ANKS1B: variants seen among roughly 807,000 people sequenced by gnomAD.
ANKS1B encodes the protein ankyrin repeat and sterile alpha motif domain containing 1B.
A neutral mutation model predicts 148.3 loss-of-function variants in ANKS1B; 36 were observed. The observed-to-expected ratio is 0.24, with a 90% CI of 0.19 to 0.32. ANKS1B has a LOEUF of 0.32. Among genes scored for constraint, ANKS1B ranks in the 10% least tolerant of loss-of-function variants. ANKS1B has a pLI of 1.00. For synonymous variants in ANKS1B, 542 were observed against 560.8 expected, an observed-to-expected ratio of 0.97 and a Z score of 0.47; for missense variants, 1,157 against 1,542.6, an observed-to-expected ratio of 0.75 and a Z score of 4.19.
Position 98,773,022 on chromosome 12 carries a change from G to C in ANKS1B, c.3579+20C>G, listed in dbSNP as rs1369070494. The C allele has an allele frequency of 2.5e-6, 4 of 1,613,666 alleles. No homozygotes were observed. In the South Asian group the frequency reaches 3.3e-5, roughly 13 times the overall value. On this transcript the variant is annotated intron_variant, in intron 25 of 26. Transcript: ENST00000683438. ...CATTCTGCAAAGTCTTTAATCTGTT[G>C]AAAGGGGGTGGGTACTCACCACATC... is the stretch of plus-strand genomic sequence containing the variant.
At chr12:99,790,728 C>T (rs2065539353) in intron 4 of ANKS1B, among the ~76,000 whole-genome samples, 1 of 151,866 alleles carries the variant, frequency 6.6e-6, no homozygotes, top group South Asian at 2.1e-4. Flanking sequence ...TATTTGCAAG[C>T]CTCATGGTAG....
At chr12:98,980,622 G>A (rs1417590021) in intron 17 of ANKS1B, among the ~76,000 whole-genome samples, 1 of 152,062 alleles carries the variant, frequency 6.6e-6, no homozygotes, top group Non-Finnish European at 1.5e-5. Flanking sequence ...CTTGTATCTT[G>A]TCTAGTAATT....
chr12:98,886,192 A>G lies in ANKS1B; in HGVS notation c.2779-54056T>C, dbSNP rs555644197. Reference sequence around the variant, plus strand: ...GAATAACGAGTTCAATGAAAATTGAAGTTTAAAGACAGAATAATGAAGAAA... The same window carrying G: ...GAATAACGAGTTCAATGAAAATTGAGGTTTAAAGACAGAATAATGAAGAAA... On this transcript the variant is annotated intron_variant, in intron 17 of 26. Coordinates refer to ENST00000683438, the MANE Select transcript of ANKS1B (RefSeq NM_001352186.2). Among the ~76,000 whole-genome samples, 11 of 152,368 alleles carry G rather than the reference A, an allele frequency of 7.2e-5. No individual in the cohort carries two copies. In the East Asian group the frequency reaches 1.9e-3, roughly 27 times the overall value.
intron 15 of ANKS1B, among the ~76,000 whole-genome samples, chr12:99,140,696 A>G (rs150461891): frequency 4.4e-4 from 67 of 152,294 alleles, no homozygotes; most frequent in Admixed American, 3.0e-3. Context: ...GTAAAGAACC[A>G]TGGAAGCAAT....
At chr12:99,661,363 T>G (rs1279173994) in intron 8 of ANKS1B, among the ~76,000 whole-genome samples, 2 of 152,178 alleles carry the variant, frequency 1.3e-5, no homozygotes, top group African/African-American at 4.8e-5. Flanking sequence ...ACATACAGCT[T>G]AGAAGGTATA....
intron 8 of ANKS1B, among the ~76,000 whole-genome samples, chr12:99,686,477 G>T (rs1310726287): frequency 1.3e-5 from 2 of 152,136 alleles, no homozygotes; most frequent in Non-Finnish European, 2.9e-5. Flanking sequence ...AGAGCTCTCT[G>T]AACCTCTTCT....
chr12:99,665,600 C>T (rs1818961322), intron 8 of ANKS1B, among the ~76,000 whole-genome samples: 1 of 152,104 alleles, frequency 6.6e-6, no homozygotes, highest in Admixed American at 6.5e-5. Flanking sequence ...CATTCTCCTG[C>T]CTCAGCCTCC....
chr12:99,115,791 C>A (rs7970642), intron 15 of ANKS1B, among the ~76,000 whole-genome samples: 84,562 of 151,566 alleles, frequency 0.56, 24,551 homozygotes, highest in East Asian at 0.74. Context: ...AATTAGCCAG[C>A]TGTGGTGGCG....
At chr12:99,946,444 AAG>A (rs1323545449) in intron 1 of ANKS1B, among the ~76,000 whole-genome samples, 2 of 152,136 alleles carry the variant, frequency 1.3e-5, no homozygotes, top group Non-Finnish European at 2.9e-5. Flanking sequence ...TCACATGACA[AAG>A]AGAGAAAGAG....
At chr12:98,784,376 A>C (rs975426804) in intron 22 of ANKS1B, among the ~76,000 whole-genome samples, 2 of 152,188 alleles carry the variant, frequency 1.3e-5, no homozygotes, top group African/African-American at 4.8e-5. Flanking sequence ...TGCCTACAAC[A>C]CAGTATCACA....
At chr12:99,545,951 T>C (rs545735915) in intron 9 of ANKS1B, among the ~76,000 whole-genome samples, 1 of 152,176 alleles carries the variant, frequency 6.6e-6, no homozygotes, top group East Asian at 1.9e-4. Context: ...AAAGATGGAA[T>C]ATTCTCCTCC....
chr12:99,187,040 T>C (rs1228966855), intron 14 of ANKS1B, among the ~76,000 whole-genome samples: 1 of 151,692 alleles, frequency 6.6e-6, no homozygotes, highest in Non-Finnish European at 1.5e-5. Context: ...TTGTGAAGCA[T>C]ACACAAGTAT....
chr12:99,256,475 T>C (rs2075279954), intron 12 of ANKS1B, among the ~76,000 whole-genome samples: 1 of 152,204 alleles, frequency 6.6e-6, no homozygotes, highest in Non-Finnish European at 1.5e-5. Flanking sequence ...GTTTGCCATT[T>C]TATTTACTCA....
At chr12:99,915,272 A>G in intron 1 of ANKS1B, among the ~76,000 whole-genome samples, 1 of 151,172 alleles carries the variant, frequency 6.6e-6, no homozygotes, top group Non-Finnish European at 1.5e-5. Context: ...ACACCTTCAC[A>G]TTGGTGGGAA....
At chr12:99,180,979 C>A (rs1458866412) in intron 14 of ANKS1B, among the ~76,000 whole-genome samples, 1 of 152,176 alleles carries the variant, frequency 6.6e-6, no homozygotes, top group Admixed American at 6.5e-5. Context: ...TGAATCTGAA[C>A]AAACAGGCCT....
intron 12 of ANKS1B, among the ~76,000 whole-genome samples, chr12:99,329,654 C>A (rs1321575964): frequency 1.3e-5 from 2 of 151,694 alleles, no homozygotes; most frequent in African/African-American, 4.8e-5. Flanking sequence ...ACAAACTTAG[C>A]TACTTTTGTA....
At chr12:99,368,142 A>G (rs528586039) in intron 12 of ANKS1B, among the ~76,000 whole-genome samples, 1 of 152,288 alleles carries the variant, frequency 6.6e-6, no homozygotes, top group Admixed American at 6.5e-5. Flanking sequence ...TGATTCAAAT[A>G]AATTTTAAAT....
intron 10 of ANKS1B, among the ~76,000 whole-genome samples, chr12:99,462,514 A>C (rs1237272418): frequency 6.6e-6 from 1 of 152,258 alleles, no homozygotes; most frequent in East Asian, 1.9e-4. Flanking sequence ...ATGCTAACCT[A>C]CATCTCAAAG....
At chr12:99,721,569 C>T (rs956432319) in intron 8 of ANKS1B, among the ~76,000 whole-genome samples, 1 of 152,202 alleles carries the variant, frequency 6.6e-6, no homozygotes, top group Non-Finnish European at 1.5e-5. Context: ...GAACAACCCC[C>T]CTTTGACTGT....
Sources: allele counts gnomAD v4.1 joint callset (sites outside exome capture counted in the v4.1 genomes callset), GRCh38; gene constraint gnomAD v4.1.1; transcripts MANE v1.5; gene names NCBI Gene and HGNC (gene_info 2026-07-23, HGNC 2026-07-21).